Variants in SGK1 observed in about 807,000 individuals in gnomAD.
SGK1 encodes serine/threonine-protein kinase Sgk1.
A neutral mutation model predicts 64.2 loss-of-function variants in SGK1; 26 were observed. That is an observed-to-expected ratio of 0.40 (90% confidence interval 0.30 to 0.56). The LOEUF is 0.56. Among genes scored for constraint, SGK1 ranks in the 20% least tolerant of loss-of-function variants. The pLI is 0.38. For missense variants in SGK1, 519 were observed against 645.6 expected (o/e 0.80, Z 2.12); for synonymous variants, 265 against 239.7 (o/e 1.11, Z -0.98).
chr6:134,177,624 T>C, intron 3 of SGK1: 5 of 1,568,022 alleles, frequency 3.2e-6, no homozygotes, highest in Non-Finnish European at 4.4e-6. Flanking sequence ...CCCCAAATCC[T>C]TTGAGGCATC....
intron 3 of SGK1, among the ~76,000 whole-genome samples, chr6:134,206,416 G>A (rs1189080533): frequency 8.5e-6 from 1 of 117,546 alleles, no homozygotes; most frequent in East Asian, 3.2e-4. Context: ...TTAAATGACA[G>A]GCAGGTAATG....
intron 2 of SGK1, among the ~76,000 whole-genome samples, chr6:134,234,355 A>T (rs1355326203): frequency 6.6e-6 from 1 of 152,228 alleles, no homozygotes; most frequent in Non-Finnish European, 1.5e-5. Flanking sequence ...GTGAGCCAAG[A>T]TCGTGCCACT....
intron 3 of SGK1, among the ~76,000 whole-genome samples, chr6:134,177,379 A>G (rs958177437): frequency 6.6e-6 from 1 of 152,208 alleles, no homozygotes; most frequent in Non-Finnish European, 1.5e-5. Flanking sequence ...TGACTTTGTT[A>G]TTGCCAGTGC....
intron 1 of SGK1, among the ~76,000 whole-genome samples, chr6:134,266,016 G>A (rs1219445536): frequency 6.6e-6 from 1 of 151,604 alleles, no homozygotes. Flanking sequence ...TGGAGTCTCT[G>A]ATTGTCACCC....
At chr6:134,204,953 TTTTCTTTCTTTCTTTCTTTTTC>T (rs1448825214) in intron 3 of SGK1, among the ~76,000 whole-genome samples, 18 of 142,378 alleles carry the variant, frequency 1.3e-4, no homozygotes, top group Admixed American at 9.7e-4. Context: ...CCCTCCCTCC[TTTTCTTTCTTTCTTTCTTTTTC>T]TTTCTTTCTT....
chr6:134,274,241 G>A (rs910192776), intron 1 of SGK1, among the ~76,000 whole-genome samples: 5 of 152,116 alleles, frequency 3.3e-5, no homozygotes, highest in African/African-American at 1.2e-4. Context: ...CCAATCTCAG[G>A]TGATCCACCA....
At chr6:134,294,576 C>T (rs1777316466) in intron 1 of SGK1, among the ~76,000 whole-genome samples, 2 of 151,998 alleles carry the variant, frequency 1.3e-5, no homozygotes, top group South Asian at 4.2e-4. Flanking sequence ...ACTTTGTTAC[C>T]CAGGCTGGAG....
intron 3 of SGK1, among the ~76,000 whole-genome samples, chr6:134,176,908 C>T (rs146276661): frequency 1.3e-5 from 2 of 152,264 alleles, no homozygotes; most frequent in Non-Finnish European, 2.9e-5. Context: ...TGCTCAGTGC[C>T]CACACTTATA....
intron 2 of SGK1, among the ~76,000 whole-genome samples, chr6:134,248,445 CTTTTT>C (rs34315643): frequency 9.7e-6 from 1 of 103,042 alleles, no homozygotes; most frequent in Non-Finnish European, 1.8e-5. Context: ...TCTCCTCCGC[CTTTTT>C]TTTTTTTTTT....
chr6:134,197,180 C>T (rs909652102), intron 3 of SGK1, among the ~76,000 whole-genome samples: 1 of 152,122 alleles, frequency 6.6e-6, no homozygotes, highest in African/African-American at 2.4e-5. Context: ...CCACAGTAAG[C>T]CGTGATCGCA....
At chr6:134,264,451 T>C (rs539108119) in intron 1 of SGK1, among the ~76,000 whole-genome samples, 3 of 152,146 alleles carry the variant, frequency 2.0e-5, no homozygotes, top group African/African-American at 7.2e-5. Flanking sequence ...AGCACTGAAG[T>C]GTTGTTAAGA....
At chr6:134,170,788 T>C in intron 13 of SGK1, 38 bp downstream of exon 13, 1 of 1,311,068 alleles carries the variant, frequency 7.6e-7, no homozygotes, top group Non-Finnish European at 1.1e-6. Context: ...AAATGCCCTT[T>C]GGGCTTCTCT....
At chr6:134,207,620 C>A (rs1041958650) in intron 2 of SGK1, among the ~76,000 whole-genome samples, 189 bp from the exon 3 acceptor site, 32 of 152,118 alleles carry the variant, frequency 2.1e-4, no homozygotes, top group Non-Finnish European at 4.6e-4. Flanking sequence ...TCCTGGGAAG[C>A]CTTTTAGTCC....
chr6:134,306,475 C>T (rs1321918235), intron 1 of SGK1, among the ~76,000 whole-genome samples: 1 of 152,050 alleles, frequency 6.6e-6, no homozygotes, highest in Non-Finnish European at 1.5e-5. Flanking sequence ...TATGGAGGGA[C>T]ACAATCCAAG....
At chr6:134,232,851 C>CAAAA (rs1173880594) in intron 2 of SGK1, among the ~76,000 whole-genome samples, 1 of 103,332 alleles carries the variant, frequency 9.7e-6, no homozygotes. Context: ...GACTCCACCT[C>CAAAA]AAAAAAAAAA....
In SGK1 at chr6:134,172,247, G is replaced by A. The variant is rs1036847778; in HGVS notation, c.1017C>T (p.Cys339=). ...GHIVLTDFGL[C]KENIEHNSTT... is the part of the protein sequence containing the mutation. ...TGCTGTTGTGTTCAATGTTCTCCTT[G>A]CAGAGTCCGAAGTCAGTAAGGACAA... The change falls in exon 10 of 14, where the codon TGC becomes TGT. Residue 339 remains cysteine, a synonymous_variant. Transcript: ENST00000367858. The A allele has an allele frequency of 6.2e-7, 1 of 1,614,022 alleles. No individual in the cohort carries two copies. The highest frequency in any genetic ancestry group is 8.5e-7 in the Non-Finnish European group (1 of 1,179,874).
intron 3 of SGK1, among the ~76,000 whole-genome samples, chr6:134,201,895 G>A (rs1343217534): frequency 6.6e-6 from 1 of 152,038 alleles, no homozygotes; most frequent in East Asian, 1.9e-4. Context: ...GAGAAGAAAG[G>A]GCATGCTGCA....
rs376447988 is a variant in SGK1, at chr6:134,317,436, A to C, written c.25T>G (p.Phe9Val). 6 of 1,609,940 alleles carry C rather than the reference A, an allele frequency of 3.7e-6. No homozygotes were observed. The African/African-American group carries it at 8.0e-5, about 22-fold the overall frequency. Reference sequence around the variant, plus strand: ...AAGGCTGAGCATTTCTTGACTGGGAATCCATTCATGTCTTTGTTTACCATT... The same window carrying C: ...AAGGCTGAGCATTTCTTGACTGGGACTCCATTCATGTCTTTGTTTACCATT... MVNKDMNG[F>V]PVKKCSAFQF... is the part of the protein sequence containing the mutation. Residue 9 changes from phenylalanine (F) to valine (V), a missense_variant, in exon 1 of 14, where the codon TTC becomes GTC. By Grantham distance (50) the Phe-to-Val change is conservative (BLOSUM62 -1). Around this residue, in one of 2 missense-constraint regions of SGK1, gnomAD observed 241 missense variants for 236.9 expected, o/e 1.02. Coordinates refer to ENST00000367858, the MANE Select transcript of SGK1 (RefSeq NM_001143676.3).
At chr6:134,205,043 A>G (rs1349689689) in intron 3 of SGK1, among the ~76,000 whole-genome samples, 2 of 151,792 alleles carry the variant, frequency 1.3e-5, no homozygotes, top group Non-Finnish European at 2.9e-5. Context: ...TAAGAAAGTA[A>G]AGGAATAAAG....
Sources: allele counts gnomAD v4.1 joint callset (sites outside exome capture counted in the v4.1 genomes callset), GRCh38; gene constraint gnomAD v4.1.1; regional missense constraint gnomAD v4.1.1; transcripts MANE v1.5; gene names NCBI Gene and HGNC (gene_info 2026-07-23, HGNC 2026-07-21).